SLC2A9: variants seen among roughly 807,000 people sequenced by gnomAD.
SLC2A9 encodes solute carrier family 2 member 9, also known as solute carrier family 2, facilitated glucose transporter member 9.
Under a neutral mutation model 50.6 loss-of-function variants are expected in SLC2A9, and 39 were observed. The ratio of observed to expected loss-of-function variants is 0.77; its 90% CI spans 0.60 to 1.01. The LOEUF (loss-of-function observed/expected upper bound fraction) is 1.01, where lower values mean the gene tolerates loss of function less well. SLC2A9 is among the 50% of genes least tolerant of loss of function. The pLI is 0.00. For synonymous variants in SLC2A9, 324 were observed against 276.9 expected, an observed-to-expected ratio of 1.17 and a Z score of -1.69; for missense variants, 686 against 677.6, an observed-to-expected ratio of 1.01 and a Z score of -0.14.
intron 3 of SLC2A9, among the ~76,000 whole-genome samples, chr4:9,788,349 C>G (rs1396768826): frequency 2.7e-5 from 3 of 113,010 alleles, no homozygotes; most frequent in Admixed American, 1.1e-4. Context: ...GCCACCATGC[C>G]CAGGTAATTT....
intron 10 of SLC2A9, among the ~76,000 whole-genome samples, chr4:9,884,161 T>G (rs749723699): frequency 6.6e-6 from 1 of 152,238 alleles, no homozygotes; most frequent in African/African-American, 2.4e-5. Context: ...GACATATTTG[T>G]TAGGCAGCTA....
intron 2 of SLC2A9, among the ~76,000 whole-genome samples, chr4:10,017,883 G>A (rs1422550918): frequency 3.4e-5 from 5 of 148,634 alleles, no homozygotes; most frequent in African/African-American, 7.6e-5. Context: ...TCTCCAAAAC[G>A]GCCTGTGCTC....
At chr4:9,841,332 C>T (rs1728055530) in intron 10 of SLC2A9, among the ~76,000 whole-genome samples, 1 of 152,138 alleles carries the variant, frequency 6.6e-6, no homozygotes, top group Admixed American at 6.5e-5. Flanking sequence ...TTGTTTTCTG[C>T]ATAGATATTG....
At chr4:9,791,773 C>A (rs532346863) in intron 3 of SLC2A9, among the ~76,000 whole-genome samples, 35 of 152,190 alleles carry the variant, frequency 2.3e-4, no homozygotes, top group Middle Eastern at 3.4e-3. Flanking sequence ...GAGACCATAG[C>A]CTTATATTAC....
downstream of SLC2A9, among the ~76,000 whole-genome samples, chr4:9,777,756 G>A (rs769623212): frequency 1.9e-4 from 29 of 152,310 alleles, no homozygotes; most frequent in Middle Eastern, 6.8e-3. Context: ...AGGGCCAGGC[G>A]GTGATGTGAA....
chr4:9,981,321 ATAGTGATGGTGTGGTGGTGGTGG>A (rs1755818492), intron 4 of SLC2A9, among the ~76,000 whole-genome samples: 42 of 83,800 alleles, frequency 5.0e-4, no homozygotes, highest in Middle Eastern at 9.8e-3. Context: ...GATGGTGGTG[ATAGTGATGGTGTGGTGGTGGTGG>A]TGATGGTGAT....
At chr4:9,890,967 C>T (rs189114089) in intron 8 of SLC2A9, among the ~76,000 whole-genome samples, 25 of 152,330 alleles carry the variant, frequency 1.6e-4, no homozygotes, top group East Asian at 9.6e-4. Flanking sequence ...ATCTTCCTTG[C>T]TATGGTGGAC....
chr4:9,824,385 T>G (rs1041704251), downstream of SLC2A9, among the ~76,000 whole-genome samples: 6 of 152,018 alleles, frequency 3.9e-5, no homozygotes, highest in Admixed American at 2.6e-4. Flanking sequence ...GAAAATGGAG[T>G]GAGAAATGGC....
At chr4:10,026,067 G>C (rs1032891536), upstream of SLC2A9, 95 of 1,265,016 alleles carry the variant, frequency 7.5e-5, no homozygotes, top group African/African-American at 1.2e-4. Flanking sequence ...TGCAAGTCAG[G>C]GGAGGTGGCC....
At chr4:10,033,587 A>T (rs918594715) in intron 1 of SLC2A9, among the ~76,000 whole-genome samples, 1 of 152,222 alleles carries the variant, frequency 6.6e-6, no homozygotes, top group Non-Finnish European at 1.5e-5. Flanking sequence ...TGTATGTGGG[A>T]CAAGCAGCTG....
chr4:9,785,926 G>C (rs1719162702), intron 3 of SLC2A9, among the ~76,000 whole-genome samples: 1 of 152,196 alleles, frequency 6.6e-6, no homozygotes. Context: ...ATTTATGGTG[G>C]TCAGGGGAGG....
chr4:9,783,199 C>T, intron 3 of SLC2A9: 9 of 1,614,214 alleles, frequency 5.6e-6, no homozygotes, highest in Non-Finnish European at 7.6e-6. Context: ...TGAACATCAG[C>T]AATGAGCTCA....
rs1370606449 is a variant in SLC2A9 at position 10,002,835 on chromosome 4, T to G, written c.250-5894A>C. On this transcript the variant is annotated intron_variant, in intron 2 of 11. Transcript: ENST00000264784. Reference sequence around the variant, plus strand: ...GCCACTGCACTCCAGCCTGGGGGACTGAGCGAGACTCCATCTAAAACAAAA... The same window carrying G: ...GCCACTGCACTCCAGCCTGGGGGACGGAGCGAGACTCCATCTAAAACAAAA... Among the ~76,000 whole-genome samples, 5 of 143,352 alleles carry G rather than the reference T, an allele frequency of 3.5e-5. 1 individual carries two copies. In the East Asian group the frequency reaches 1.1e-3, roughly 30 times the overall value. The allele number at this position is 143,352 out of a possible 152,430, so 94.0% of individuals were successfully genotyped here.
At chr4:9,873,922 G>A (rs1233556551) in intron 10 of SLC2A9, among the ~76,000 whole-genome samples, 1 of 152,098 alleles carries the variant, frequency 6.6e-6, no homozygotes. Context: ...TTTACCTCTG[G>A]TTTATTCCCT....
chr4:9,948,337 TGGTCTG>T lies in SLC2A9; in HGVS notation c.682-6298_682-6293del, dbSNP rs773664906. Among the ~76,000 whole-genome samples, 7 of 152,292 alleles carry T rather than the reference TGGTCTG, an allele frequency of 4.6e-5. No individual in the cohort carries two copies. The South Asian group carries it at 6.2e-4, about 14-fold the overall frequency. On this transcript the variant is annotated intron_variant, in intron 5 of 11. Transcript: ENST00000264784. ...TTACTCTCAGAGATTTGGGGTTAATTGGTCTGGGGGTGCGGCTTAGGTGCTGGGGTT... is the reference window on the plus strand; with the variant it reads ...TTACTCTCAGAGATTTGGGGTTAATTGGGGTGCGGCTTAGGTGCTGGGGTT...
intron 1 of SLC2A9, among the ~76,000 whole-genome samples, chr4:10,039,775 T>C (rs1039981457): frequency 6.6e-6 from 1 of 152,174 alleles, no homozygotes; most frequent in Non-Finnish European, 1.5e-5. Flanking sequence ...TGGAGTCATC[T>C]TTCTCAAAAG....
chr4:9,896,170 C>T (rs774245235), intron 8 of SLC2A9, among the ~76,000 whole-genome samples: 1 of 152,130 alleles, frequency 6.6e-6, no homozygotes, highest in Non-Finnish European at 1.5e-5. Flanking sequence ...TTATAAGAAA[C>T]TGCTAAAATG....
intron 5 of SLC2A9, among the ~76,000 whole-genome samples, chr4:9,951,201 T>C (rs1026599732): frequency 7.2e-5 from 11 of 152,260 alleles, no homozygotes; most frequent in Non-Finnish European, 1.3e-4. Flanking sequence ...GTGGATGGAA[T>C]TGGGGGGCAT....
chr4:9,859,550 A>G (rs576698739), intron 10 of SLC2A9, among the ~76,000 whole-genome samples: 42 of 152,232 alleles, frequency 2.8e-4, no homozygotes, highest in Non-Finnish European at 5.9e-4. Flanking sequence ...CAAGTGAGGG[A>G]GCATAGAGAC....
Sources: allele counts gnomAD v4.1 joint callset (sites outside exome capture counted in the v4.1 genomes callset), GRCh38; gene constraint gnomAD v4.1.1; transcripts MANE v1.5; gene names NCBI Gene and HGNC (gene_info 2026-07-23, HGNC 2026-07-21).